RANBP2: variants seen among roughly 807,000 people sequenced by gnomAD.
RANBP2 encodes the protein RAN binding protein 2.
Under a neutral mutation model 303.6 loss-of-function variants are expected in RANBP2, and 57 were observed. The ratio of observed to expected loss-of-function variants is 0.19; its 90% CI spans 0.15 to 0.23. The LOEUF (loss-of-function observed/expected upper bound fraction) is 0.23, where lower values mean the gene tolerates loss of function less well. Ranked by LOEUF, RANBP2 falls within the 10% of genes least tolerant of loss-of-function variation. The pLI, the probability that RANBP2 is intolerant of heterozygous loss-of-function variation, is 1.00. For missense variants in RANBP2, 3,138 were observed against 3,780.8 expected (o/e 0.83, Z 4.46); for synonymous variants, 1,167 against 1,301.5 (o/e 0.90, Z 2.23).
chr2:108,890,767 C>A, the RANBP2 span, among the ~76,000 whole-genome samples: 3 of 152,188 alleles, frequency 2.0e-5, no homozygotes, highest in East Asian at 5.8e-4. Flanking sequence ...CTAACCTTTT[C>A]TCTGTCTCTT....
At chr2:109,388,094 C>G in the RANBP2 span, among the ~76,000 whole-genome samples, 1 of 152,212 alleles carries the variant, frequency 6.6e-6, no homozygotes, top group Non-Finnish European at 1.5e-5. Flanking sequence ...CACACACATG[C>G]ACACACATTC....
At chr2:109,679,071 G>A in the RANBP2 span, among the ~76,000 whole-genome samples, 10 of 152,280 alleles carry the variant, frequency 6.6e-5, no homozygotes, top group East Asian at 1.5e-3. Context: ...TGTTTCCTCC[G>A]GAAGGCACAT....
the RANBP2 span, among the ~76,000 whole-genome samples, chr2:109,020,218 G>T: frequency 3.3e-5 from 5 of 152,172 alleles, no homozygotes; most frequent in African/African-American, 7.2e-5. Context: ...AGAAGCCCAG[G>T]AGCAGCGCAC....
the RANBP2 span, among the ~76,000 whole-genome samples, chr2:109,139,161 C>T: frequency 2.1e-4 from 32 of 152,202 alleles, no homozygotes; most frequent in African/African-American, 7.2e-4. Context: ...ATCTGCGTAA[C>T]TTAAAAATTG....
chr2:109,101,938 T>C, the RANBP2 span, among the ~76,000 whole-genome samples: 1 of 152,190 alleles, frequency 6.6e-6, no homozygotes, highest in Non-Finnish European at 1.5e-5. Context: ...CCAGCCATCC[T>C]CTAGCTGGAT....
chr2:109,695,968 T>G, the RANBP2 span, among the ~76,000 whole-genome samples: 1 of 151,916 alleles, frequency 6.6e-6, no homozygotes, highest in African/African-American at 2.4e-5. Context: ...CTCTCTCACT[T>G]TTTCTTTTTT....
At chr2:109,504,181 CAT>C in the RANBP2 span, 2 of 152,352 alleles carry the variant, frequency 1.3e-5, no homozygotes, top group African/African-American at 2.4e-5. Context: ...AAAGGGTACA[CAT>C]GTTTGGCGGT....
At chr2:109,405,495 T>C in the RANBP2 span, among the ~76,000 whole-genome samples, 1 of 152,120 alleles carries the variant, frequency 6.6e-6, no homozygotes, top group Admixed American at 6.5e-5. Flanking sequence ...ATCTTCTCCC[T>C]GCGCACCACG....
chr2:108,989,360 G>C, the RANBP2 span: 2 of 152,686 alleles, frequency 1.3e-5, no homozygotes, highest in Admixed American at 1.3e-4. Flanking sequence ...CTGGCTCTCC[G>C]GCCGTCTGCC....
chr2:108,791,942 G>A, the RANBP2 span: 1 of 843,428 alleles, frequency 1.2e-6, no homozygotes, highest in East Asian at 3.0e-5. Flanking sequence ...CTAGGAGATA[G>A]TTACTGTGCT....
chr2:109,736,241 C>A, the RANBP2 span, among the ~76,000 whole-genome samples: 475 of 152,196 alleles, frequency 3.1e-3, 3 homozygotes, highest in Middle Eastern at 0.027. Flanking sequence ...AGCCTCTGCA[C>A]GCACTGCAGC....
the RANBP2 span, among the ~76,000 whole-genome samples, chr2:109,572,773 T>C: frequency 6.6e-6 from 1 of 151,942 alleles, no homozygotes; most frequent in Non-Finnish European, 1.5e-5. Context: ...TGTGCCATCA[T>C]GCCTGGCTAA....
the RANBP2 span, among the ~76,000 whole-genome samples, chr2:109,046,310 A>G: frequency 6.6e-6 from 1 of 150,762 alleles, no homozygotes; most frequent in Non-Finnish European, 1.5e-5. Context: ...TCTAAAAAAA[A>G]AAAAAAGAAA....
chr2:108,788,736 A>G, downstream of RANBP2: 1 of 1,429,994 alleles, frequency 7.0e-7, no homozygotes. Flanking sequence ...AAAAAAAGAA[A>G]AAAAAATTTG....
chr2:109,066,911 G>C, the RANBP2 span, among the ~76,000 whole-genome samples: 1 of 152,070 alleles, frequency 6.6e-6, no homozygotes, highest in African/African-American at 2.4e-5. Flanking sequence ...AGATGTCCAG[G>C]GTGCTCTGAC....
chr2:108,847,858 A>G, the RANBP2 span, among the ~76,000 whole-genome samples: 1 of 152,224 alleles, frequency 6.6e-6, no homozygotes, highest in Non-Finnish European at 1.5e-5. Flanking sequence ...TGCCTTCTTA[A>G]TTATTTTGCC....
At chr2:109,679,575 G>C in the RANBP2 span, among the ~76,000 whole-genome samples, 29 of 152,172 alleles carry the variant, frequency 1.9e-4, no homozygotes, top group African/African-American at 6.5e-4. Flanking sequence ...TGACCCTAAG[G>C]CTCTCCTCAG....
At chr2:109,613,092 G>A in the RANBP2 span, 1 of 898,750 alleles carries the variant, frequency 1.1e-6, no homozygotes, top group Non-Finnish European at 1.6e-6. Context: ...CCTCCAAACG[G>A]CGGTGAGATC....
At chr2:108,948,833 G>C in the RANBP2 span, among the ~76,000 whole-genome samples, 2 of 152,136 alleles carry the variant, frequency 1.3e-5, no homozygotes, top group Non-Finnish European at 2.9e-5. Flanking sequence ...AAAAAGTAGA[G>C]TTGGCCAGGC....
Sources: allele counts gnomAD v4.1 joint callset (sites outside exome capture counted in the v4.1 genomes callset), GRCh38; gene constraint gnomAD v4.1.1; transcripts MANE v1.5; gene names NCBI Gene and HGNC (gene_info 2026-07-23, HGNC 2026-07-21).